The following PRKCQ variants were observed in gnomAD, a reference collection of about 807,000 sequenced individuals.
PRKCQ encodes the protein protein kinase C theta type.
A neutral mutation model predicts 91.2 loss-of-function variants in PRKCQ; 41 were observed. That is an observed-to-expected ratio of 0.45 (90% CI 0.35 to 0.58). The LOEUF (loss-of-function observed/expected upper bound fraction) is 0.58, where lower values mean the gene tolerates loss of function less well. Ranked by LOEUF, PRKCQ falls within the 20% of genes least tolerant of loss-of-function variation. The pLI is 0.00. For synonymous variants in PRKCQ, 307 were observed against 316.9 expected, an observed-to-expected ratio of 0.97 and a Z score of 0.33; for missense variants, 673 against 896.5, an observed-to-expected ratio of 0.75 and a Z score of 3.18.
chr10:6,471,953 T>C (rs1471105986), intron 12 of PRKCQ, among the ~76,000 whole-genome samples: 1 of 152,166 alleles, frequency 6.6e-6, no homozygotes, highest in East Asian at 1.9e-4. Flanking sequence ...ATATGGGCCA[T>C]GAGCCTGGAA....
chr10:6,473,675 T>C (rs535928606), intron 12 of PRKCQ, among the ~76,000 whole-genome samples: 4 of 152,342 alleles, frequency 2.6e-5, no homozygotes, highest in Middle Eastern at 6.8e-3. Context: ...GCTACAATTG[T>C]GGTAATTTCC....
At chr10:6,505,734 A>C (rs1194437960) in intron 4 of PRKCQ, among the ~76,000 whole-genome samples, 1 of 151,656 alleles carries the variant, frequency 6.6e-6, no homozygotes, top group African/African-American at 2.4e-5. Context: ...CAACCTCAAT[A>C]ACCTGGGCTT....
chr10:6,428,122 A>G lies in PRKCQ; in HGVS notation c.*85T>C, dbSNP rs917405723. The G allele has an allele frequency of 5.2e-6, 8 of 1,527,956 alleles. No individual in the cohort carries two copies. Among genetic ancestry groups the G allele is most frequent in the Non-Finnish European group, 6.3e-6 (7 of 1,115,110 alleles). 94.6% of individuals were successfully genotyped at this position (1,527,956 alleles called of 1,614,324 possible). On this transcript the variant is annotated 3_prime_UTR_variant, in exon 18 of 18. Coordinates refer to ENST00000263125, the MANE Select transcript of PRKCQ (RefSeq NM_006257.5). Reference sequence around the variant, plus strand: ...TGTTGAGTGTTTCTTTCTTTTTCCAAGTTGAAAAAGGAACCCAAGCAGTGT... The same window carrying G: ...TGTTGAGTGTTTCTTTCTTTTTCCAGGTTGAAAAAGGAACCCAAGCAGTGT...
chr10:6,456,903 G>T, intron 14 of PRKCQ, 91 bp from the exon 15 acceptor site: 1 of 1,396,616 alleles, frequency 7.2e-7, no homozygotes, highest in Non-Finnish European at 9.8e-7. Context: ...TTGTCTCATT[G>T]CAGCCTGAGA....
intron 1 of PRKCQ, among the ~76,000 whole-genome samples, chr10:6,574,568 C>T (rs11813190): frequency 0.015 from 2,213 of 152,282 alleles, 66 homozygotes; most frequent in African/African-American, 0.05. Context: ...CCAGCTCCAC[C>T]CAGCAATAGC....
chr10:6,461,052 A>C (rs1455343463), intron 14 of PRKCQ, among the ~76,000 whole-genome samples: 2 of 151,474 alleles, frequency 1.3e-5, no homozygotes, highest in African/African-American at 4.9e-5. Flanking sequence ...CCATCCATCC[A>C]ACCATCTGTT....
chr10:6,566,271 C>T (rs1257738768), intron 1 of PRKCQ, among the ~76,000 whole-genome samples: 2 of 133,112 alleles, frequency 1.5e-5, no homozygotes, highest in African/African-American at 5.4e-5. Context: ...TTATACATGC[C>T]ACCAGTGGTT....
At chr10:6,511,526 C>T (rs965450900) in intron 2 of PRKCQ, among the ~76,000 whole-genome samples, 7 of 152,162 alleles carry the variant, frequency 4.6e-5, no homozygotes, top group African/African-American at 9.7e-5. Context: ...ACTGAGATGA[C>T]GAGAATTGCC....
intron 11 of PRKCQ, among the ~76,000 whole-genome samples, chr10:6,481,609 G>A (rs1478975476): frequency 6.6e-6 from 1 of 152,224 alleles, no homozygotes; most frequent in East Asian, 1.9e-4. Flanking sequence ...CAAGGCATCA[G>A]TGTTTAAATC....
intron 1 of PRKCQ, among the ~76,000 whole-genome samples, chr10:6,527,897 A>G (rs996249599): frequency 5.9e-5 from 9 of 152,204 alleles, no homozygotes; most frequent in African/African-American, 2.2e-4. Context: ...GTTCTGTTTT[A>G]GGAACTCAAC....
rs1833379007 is a variant in PRKCQ, at chr10:6,430,829, G to A, written c.1946C>T (p.Pro649Leu). ...CCTTACCACTTTCGGCCGGAACGGT[G>A]GGTCAATCTCCTTCCGTTCAAGTTC... ...WEELERKEID[P>L]PFRPKVKSPF... Residue 649 changes from proline (P) to leucine (L), a missense_variant, in exon 17 of 18, where the codon CCA becomes CTA. Coordinates refer to ENST00000263125, the MANE Select transcript of PRKCQ (RefSeq NM_006257.5). The surrounding 1 kb of genome is among the most constrained non-coding windows in gnomAD (Gnocchi z 4.7). 1 of 1,613,972 alleles carries A rather than the reference G, an allele frequency of 6.2e-7. No individual in the cohort carries two copies. Among genetic ancestry groups the A allele is most frequent in the African/African-American group, 1.3e-5 (1 of 74,914 alleles).
intron 16 of PRKCQ, among the ~76,000 whole-genome samples, chr10:6,435,265 G>T (rs1197225354): frequency 6.6e-6 from 1 of 152,230 alleles, no homozygotes; most frequent in African/African-American, 2.4e-5. Context: ...CACTGCTGCT[G>T]TCACAGATGC....
Position 6,448,834 on chromosome 10 carries a change from G to C in PRKCQ, c.1648-6753C>G, listed in dbSNP as rs530325074. Among the ~76,000 whole-genome samples, 758 of 152,190 alleles carry C rather than the reference G, an allele frequency of 5.0e-3. 10 individuals are homozygous for C. Among genetic ancestry groups the C allele is most frequent in the African/African-American group, 0.017 (714 of 41,524 alleles). ...ACCCAGGCAAACAGGGTCTGGAGTG[G>C]ACCTCTAGCAAACTCCAACAGACCT... On this transcript the variant is annotated intron_variant, in intron 15 of 17. Transcript: ENST00000263125.
chr10:6,427,881 A>T lies in PRKCQ; in HGVS notation c.*326T>A. On this transcript the variant is annotated 3_prime_UTR_variant, in exon 18 of 18. Transcript: ENST00000263125. ...TTGATCAGCAGTTGGCGCCCAGGTGAAGAGCCATAATTTATTGCAGTATCA... is the reference window on the plus strand; with the variant it reads ...TTGATCAGCAGTTGGCGCCCAGGTGTAGAGCCATAATTTATTGCAGTATCA... The T allele has an allele frequency of 3.6e-6, 1 of 277,952 alleles. No individual in the cohort carries two copies. Among genetic ancestry groups the T allele is most frequent in the Non-Finnish European group, 6.9e-6 (1 of 144,270 alleles). 17.2% of individuals were successfully genotyped at this position (277,952 alleles called of 1,614,324 possible).
intron 1 of PRKCQ, among the ~76,000 whole-genome samples, chr10:6,539,205 G>A (rs1039366429): frequency 1.3e-5 from 2 of 152,132 alleles, no homozygotes; most frequent in Non-Finnish European, 2.9e-5. Context: ...CGACTCATCA[G>A]TGAATCGGAG....
At chr10:6,564,746 G>C (rs1384071193) in intron 1 of PRKCQ, among the ~76,000 whole-genome samples, 6 of 152,162 alleles carry the variant, frequency 3.9e-5, no homozygotes, top group Non-Finnish European at 5.9e-5. Flanking sequence ...AAGCCACTAA[G>C]TTTGGGAGCA....
chr10:6,496,954 T>C, intron 7 of PRKCQ, 81 bp downstream of exon 7: 13 of 1,275,060 alleles, frequency 1.0e-5, no homozygotes, highest in Non-Finnish European at 1.4e-5. Flanking sequence ...GTTCTGGCAT[T>C]ATTCTGAAGA....
intron 12 of PRKCQ, among the ~76,000 whole-genome samples, chr10:6,471,705 G>A (rs543125860): frequency 3.2e-4 from 49 of 152,230 alleles, no homozygotes; most frequent in Non-Finnish European, 5.7e-4. Flanking sequence ...AGCCGAGATC[G>A]TTCCACTGTA....
chr10:6,515,199 T>C (rs770979076), intron 1 of PRKCQ, 55 bp from the exon 2 acceptor site: 3 of 1,606,814 alleles, frequency 1.9e-6, no homozygotes, highest in Non-Finnish European at 1.7e-6. Context: ...ATATTATTTT[T>C]GGTGCCCCAT....
Sources: allele counts gnomAD v4.1 joint callset (sites outside exome capture counted in the v4.1 genomes callset), GRCh38; gene constraint gnomAD v4.1.1; non-coding constraint Gnocchi (gnomAD v3.1); transcripts MANE v1.5; gene names NCBI Gene and HGNC (gene_info 2026-07-23, HGNC 2026-07-21).